KIF13A: variants seen among roughly 807,000 people sequenced by gnomAD.
KIF13A encodes the protein kinesin-like protein KIF13A.
KIF13A carries 79 observed loss-of-function variants against 212.2 expected under a neutral mutation model. That is an observed-to-expected ratio of 0.37 (90% CI 0.31 to 0.45). The LOEUF is 0.45. KIF13A is among the 20% of genes least tolerant of loss of function. The probability of loss-of-function intolerance (pLI) is 1.00; values close to 1 mark genes in which losing one functional copy is unlikely to be tolerated. For synonymous variants in KIF13A, 789 were observed against 808.6 expected, an observed-to-expected ratio of 0.98 and a Z score of 0.41; for missense variants, 1,901 against 2,209.0, an observed-to-expected ratio of 0.86 and a Z score of 2.79.
At chr6:17,948,159 T>C (rs1777565327) in intron 2 of KIF13A, among the ~76,000 whole-genome samples, 1 of 152,226 alleles carries the variant, frequency 6.6e-6, no homozygotes, top group Admixed American at 6.5e-5. Flanking sequence ...ATAACCGAGT[T>C]ACTTGCTCTC....
chr6:17,765,003 G>A (rs1677735315), intron 38 of KIF13A, 57 bp from the exon 39 acceptor site: 7 of 1,327,402 alleles, frequency 5.3e-6, no homozygotes, highest in Non-Finnish European at 7.2e-6. Context: ...GTACTGTTGA[G>A]ACAAGTTTTA....
intron 2 of KIF13A, chr6:17,954,044 A>G (rs1207642418): frequency 1.3e-5 from 2 of 152,328 alleles, no homozygotes; most frequent in Non-Finnish European, 2.9e-5. Flanking sequence ...TCACACCTGT[A>G]ATCCCAGCAC....
In KIF13A at chr6:17,816,207, C is replaced by T. The variant is rs995950956; in HGVS notation, c.2000+813G>A. Among the ~76,000 whole-genome samples the T allele has an allele frequency of 4.7e-5, 7 of 149,622 alleles. No individual in the cohort carries two copies. The highest frequency in any genetic ancestry group is 7.4e-5 in the Non-Finnish European group (5 of 67,422). On this transcript the variant is annotated intron_variant, in intron 17 of 38. Coordinates refer to ENST00000259711, the MANE Select transcript of KIF13A (RefSeq NM_022113.6). This position sits in a 1 kb window ranked among gnomAD's most constrained non-coding sequence, Gnocchi z 4.3. ...TGCTGGGATTACAGGCCTGAGCCAC[C>T]GCACCTGGCCTGAGTCAGGTCAGGT...
At chr6:17,763,112 G>A (rs1758660506), downstream of KIF13A, among the ~76,000 whole-genome samples, 1 of 152,220 alleles carries the variant, frequency 6.6e-6, no homozygotes, top group Non-Finnish European at 1.5e-5. Flanking sequence ...ATGCTCAGAA[G>A]CAGAACATCT....
chr6:17,958,716 T>C (rs1196154845), intron 2 of KIF13A, among the ~76,000 whole-genome samples: 1 of 152,180 alleles, frequency 6.6e-6, no homozygotes, highest in Non-Finnish European at 1.5e-5. Context: ...ATATGATTTA[T>C]TCTTATACTT....
At chr6:17,969,811 T>C (rs1466497465) in intron 2 of KIF13A, among the ~76,000 whole-genome samples, 1 of 152,254 alleles carries the variant, frequency 6.6e-6, no homozygotes, top group Non-Finnish European at 1.5e-5. Context: ...ATTTGGAAAA[T>C]ATATTTAGGA....
Position 17,982,504 on chromosome 6 carries a change from T to A in KIF13A, c.146+4550A>T. 1.2e-6 allele frequency: 1 copy of A among 814,022 alleles called. No homozygotes were observed. Among genetic ancestry groups the A allele is most frequent in the Non-Finnish European group, 1.5e-6 (1 of 674,004 alleles). 50.4% of individuals were successfully genotyped at this position (814,022 alleles called of 1,614,324 possible). On this transcript the variant is annotated intron_variant, in intron 2 of 38. Transcript: ENST00000259711. This position sits in a 1 kb window ranked among gnomAD's most constrained non-coding sequence, Gnocchi z 5.1. ...TTAGTAAGAGGAAGCTTTCTTCAAC[T>A]GACCCTCCCTCACACGATTTGCAAG...
chr6:17,852,114 C>T (rs780563242), intron 6 of KIF13A, 72 bp from the exon 7 acceptor site: 1 of 679,822 alleles, frequency 1.5e-6, no homozygotes, highest in Non-Finnish European at 2.3e-6. Context: ...TTTAAGTACA[C>T]AGTAACTAAG....
chr6:17,780,770 A>G lies in KIF13A; in HGVS notation c.3806T>C (p.Val1269Ala). Residue 1269 changes from valine (V) to alanine (A), a missense_variant, in exon 31 of 39, where the codon GTA becomes GCA. This residue lies in a region of KIF13A where 687 missense variants were observed against 759.1 expected (regional missense o/e 0.90). Coordinates refer to ENST00000259711, the MANE Select transcript of KIF13A (RefSeq NM_022113.6). ...QLSHPAAMELVLRKRIAANIY... is the reference protein window; with the variant it reads ...QLSHPAAMELALRKRIAANIY... ...ATTGGCTGCAATTCGTTTTCGTAAT[A>G]CTAACTCCATAGCAGCAGGGTGGCT... 6.2e-7 allele frequency: 1 copy of G among 1,614,064 alleles called. No individual in the cohort carries two copies.
At chr6:17,784,706 A>G (rs1760898237) in intron 28 of KIF13A, among the ~76,000 whole-genome samples, 1 of 152,136 alleles carries the variant, frequency 6.6e-6, no homozygotes, top group African/African-American at 2.4e-5. Context: ...TGAGGGCCAG[A>G]ACAAGATTGG....
chr6:17,772,205 T>C lies in KIF13A; in HGVS notation c.4325-146A>G. The C allele has an allele frequency of 1.4e-6, 1 of 714,650 alleles. No individual in the cohort carries two copies. The highest frequency in any genetic ancestry group is 1.9e-5 in the South Asian group (1 of 52,446). The allele number at this position is 714,650 out of a possible 1,614,324, so 44.3% of individuals were successfully genotyped here. On this transcript the variant is annotated intron_variant, in intron 36 of 38. Transcript: ENST00000259711. The surrounding 1 kb of genome is among the most constrained non-coding windows in gnomAD (Gnocchi z 4.8). ...ATTTGGCTAAGCATTAAAACAGATG[T>C]ATGCCCACCCTGTGCAACATAGGGA...
chr6:17,937,760 G>GT (rs1408554159), intron 2 of KIF13A, among the ~76,000 whole-genome samples: 2 of 107,902 alleles, frequency 1.9e-5, no homozygotes, highest in Admixed American at 9.2e-5. Context: ...TTTTTTTTTT[G>GT]TTTTTTTGAG....
rs545009049 is a variant in KIF13A, at chr6:17,863,834, T to C, written c.221-7712A>G. Among the ~76,000 whole-genome samples the C allele has an allele frequency of 5.3e-5, 8 of 152,276 alleles. No homozygotes were observed. In the East Asian group the frequency reaches 1.5e-3, roughly 29 times the overall value. On this transcript the variant is annotated intron_variant, in intron 4 of 38. Transcript: ENST00000259711. Reference sequence around the variant, plus strand: ...TGTTTTTGCTTTGTTCACTTCTATTTTTTAAACACAACAGTCCCTTTTCTC... The same window carrying C: ...TGTTTTTGCTTTGTTCACTTCTATTCTTTAAACACAACAGTCCCTTTTCTC...
At chr6:17,852,446 G>T (rs1767743138) in intron 6 of KIF13A, among the ~76,000 whole-genome samples, 2 of 152,088 alleles carry the variant, frequency 1.3e-5, no homozygotes, top group Non-Finnish European at 2.9e-5. Flanking sequence ...TTGAGACAGG[G>T]TCTCACTCTG....
chr6:17,887,356 A>G (rs1257376177), intron 3 of KIF13A, among the ~76,000 whole-genome samples: 1 of 152,230 alleles, frequency 6.6e-6, no homozygotes, highest in Non-Finnish European at 1.5e-5. Flanking sequence ...TTACTGTTGC[A>G]TCACGGAGCA....
rs1050180156 is a variant in KIF13A, at chr6:17,839,492, C to T, written c.831-1909G>A. Among the ~76,000 whole-genome samples the T allele has an allele frequency of 6.6e-6, 1 of 152,140 alleles. No individual in the cohort carries two copies. The highest frequency in any genetic ancestry group is 2.4e-5 in the African/African-American group (1 of 41,410). On this transcript the variant is annotated intron_variant, in intron 9 of 38. Transcript: ENST00000259711. This position sits in a 1 kb window ranked among gnomAD's most constrained non-coding sequence, Gnocchi z 4.3. ...AGGGAATAAGTTCAGATACATGTAT[C>T]ACAACAACTACAACACGGATGAACC...
Position 17,825,202 on chromosome 6 carries a change from G to A in KIF13A, c.1786+566C>T, listed in dbSNP as rs1333876759. On this transcript the variant is annotated intron_variant, in intron 16 of 38. Coordinates refer to ENST00000259711, the MANE Select transcript of KIF13A (RefSeq NM_022113.6). The surrounding 1 kb of genome is among the most constrained non-coding windows in gnomAD (Gnocchi z 4.5). The stretch of plus-strand genomic sequence containing the variant: ...CACAGAATAAGAAAGAAAAGGTAAA[G>A]GAACACGGACTTTTAGATGTGAAAC... 6.6e-6 allele frequency among the ~76,000 whole-genome samples: 1 copy of A among 152,120 alleles called. No individual in the cohort carries two copies. Among genetic ancestry groups the A allele is most frequent in the African/African-American group, 2.4e-5 (1 of 41,420 alleles).
At chr6:17,929,772 C>CTATGTTGCCCAGGCTGATCTCAAAT (rs1262818199) in intron 2 of KIF13A, among the ~76,000 whole-genome samples, 2 of 151,594 alleles carry the variant, frequency 1.3e-5, no homozygotes, top group Non-Finnish European at 2.9e-5. Context: ...TCAAACCCGA[C>CTATGTTGCCCAGGCTGATCTCAAAT]CTCAAGTGAT....
At chr6:17,969,927 CT>C (rs144578023) in intron 2 of KIF13A, among the ~76,000 whole-genome samples, 24,719 of 145,134 alleles carry the variant, frequency 0.17, 2,318 homozygotes, top group East Asian at 0.25. Flanking sequence ...CTTGTGTTTT[CT>C]TTTTTTTTTT....
Sources: allele counts gnomAD v4.1 joint callset (sites outside exome capture counted in the v4.1 genomes callset), GRCh38; gene constraint gnomAD v4.1.1; regional missense constraint gnomAD v4.1.1; non-coding constraint Gnocchi (gnomAD v3.1); transcripts MANE v1.5; gene names NCBI Gene and HGNC (gene_info 2026-07-23, HGNC 2026-07-21).